Variants in CNKSR3 observed in about 807,000 individuals in gnomAD.
CNKSR3 encodes connector enhancer of kinase suppressor of ras 3.
In CNKSR3, 36 loss-of-function variants were observed where a neutral mutation model predicts 67.7. The observed-to-expected ratio is 0.53, with a 90% CI of 0.41 to 0.70. CNKSR3 has a LOEUF of 0.70. Ranked by LOEUF, CNKSR3 falls within the 30% of genes least tolerant of loss-of-function variation. CNKSR3 has a pLI of 0.00. For synonymous variants in CNKSR3, 281 were observed against 271.4 expected, an observed-to-expected ratio of 1.04 and a Z score of -0.35; for missense variants, 630 against 695.2, an observed-to-expected ratio of 0.91 and a Z score of 1.05.
chr6:154,510,194 G>C lies in CNKSR3; in HGVS notation c.-80C>G. On this transcript the variant is annotated 5_prime_UTR_variant, in exon 1 of 13. Transcript: ENST00000607772. The stretch of plus-strand genomic sequence containing the variant: ...CCTGCGCTCCGGTGCCCCTTCCCGG[G>C]AGGGCGCGCCCGCGGCTGCTCCCCT... 2.6e-6 allele frequency: 4 copies of C among 1,560,150 alleles called. No individual in the cohort carries two copies. The highest frequency in any genetic ancestry group is 3.5e-6 in the Non-Finnish European group (4 of 1,134,850).
intron 2 of CNKSR3, among the ~76,000 whole-genome samples, chr6:154,444,605 CTTTTTTT>C (rs775511533): frequency 4.4e-5 from 6 of 135,848 alleles, no homozygotes; most frequent in East Asian, 2.2e-4. Flanking sequence ...AGTGGAGAAA[CTTTTTTT>C]TTTTTTTTTT....
At chr6:154,482,567 T>A (rs756505352) in intron 1 of CNKSR3, among the ~76,000 whole-genome samples, 3 of 152,208 alleles carry the variant, frequency 2.0e-5, no homozygotes, top group Non-Finnish European at 4.4e-5. Flanking sequence ...CAGTATTCAA[T>A]GTAAAAAGGA....
intron 2 of CNKSR3, among the ~76,000 whole-genome samples, chr6:154,447,174 C>A (rs1380900310): frequency 2.0e-5 from 3 of 152,152 alleles, no homozygotes; most frequent in Non-Finnish European, 2.9e-5. Context: ...CAATCACACC[C>A]TCTCGACCAG....
intron 1 of CNKSR3, among the ~76,000 whole-genome samples, chr6:154,492,755 A>AAC (rs1786805835): frequency 6.6e-6 from 1 of 150,862 alleles, no homozygotes; most frequent in African/African-American, 2.4e-5. Flanking sequence ...CAAAAAAAAA[A>AAC]AAACAAAAAA....
intron 12 of CNKSR3, 47 bp downstream of exon 12, chr6:154,410,296 G>C (rs763989532): frequency 7.3e-7 from 1 of 1,365,766 alleles, no homozygotes; most frequent in Non-Finnish European, 1.0e-6. Flanking sequence ...CCCTGGGGCT[G>C]TTCACTCCCC....
At chr6:154,415,046 G>A (rs1380267618) in intron 9 of CNKSR3, among the ~76,000 whole-genome samples, 1 of 134,672 alleles carries the variant, frequency 7.4e-6, no homozygotes, top group Non-Finnish European at 1.5e-5. Context: ...TGCAGTGAGC[G>A]AAGAGTGTAC....
chr6:154,419,633 C>T (rs554789348), intron 9 of CNKSR3, among the ~76,000 whole-genome samples: 5 of 152,200 alleles, frequency 3.3e-5, no homozygotes, highest in East Asian at 3.9e-4. Flanking sequence ...ACTGGATACA[C>T]GTTTAAAGGA....
At position 154,392,249 on chromosome 6, in the gene CNKSR3, G is replaced by T. The variant is rs1361440683; in HGVS notation, c.*14105C>A. On this transcript the variant is annotated 3_prime_UTR_variant, in exon 13 of 13. Coordinates refer to ENST00000607772, the MANE Select transcript of CNKSR3 (RefSeq NM_173515.4). ...AGTGTACCATTATATGTTGTCTTCT[G>T]ATGCTTTTTCCCACTCAGCACTATA... The T allele has an allele frequency of 1.3e-5, 2 of 151,632 alleles. No individual in the cohort carries two copies. Among genetic ancestry groups the T allele is most frequent in the Admixed American group, 1.3e-4 (2 of 15,222 alleles). The allele number at this position is 151,632 out of a possible 1,614,324, so 9.4% of individuals were successfully genotyped here. A position where few individuals can be genotyped will look rare whatever the true frequency, so the allele number is the denominator to read the frequency against.
intron 1 of CNKSR3, among the ~76,000 whole-genome samples, chr6:154,454,003 G>T (rs1168248392): frequency 6.6e-6 from 1 of 151,660 alleles, no homozygotes; most frequent in Non-Finnish European, 1.5e-5. Flanking sequence ...GAGCCACAGG[G>T]CCCAGACCTA....
At chr6:154,461,167 T>C (rs1362414991) in intron 1 of CNKSR3, among the ~76,000 whole-genome samples, 1 of 152,170 alleles carries the variant, frequency 6.6e-6, no homozygotes, top group Non-Finnish European at 1.5e-5. Flanking sequence ...GGCCGGGTTA[T>C]CATCATCTCC....
chr6:154,458,131 T>C (rs1434431170), intron 1 of CNKSR3, among the ~76,000 whole-genome samples: 1 of 152,200 alleles, frequency 6.6e-6, no homozygotes, highest in Non-Finnish European at 1.5e-5. Flanking sequence ...TAGAGACGTA[T>C]GGCTCTCCCA....
chr6:154,449,554 G>T (rs896379229), intron 2 of CNKSR3, among the ~76,000 whole-genome samples: 7 of 152,160 alleles, frequency 4.6e-5, no homozygotes, highest in African/African-American at 1.7e-4. Flanking sequence ...CAAACTCCTG[G>T]ACTCAAGCAA....
At position 154,415,034 on chromosome 6, in the gene CNKSR3, G is replaced by A. The variant is rs561943484; in HGVS notation, c.946-611C>T. On this transcript the variant is annotated intron_variant, in intron 9 of 12. Coordinates refer to ENST00000607772, the MANE Select transcript of CNKSR3 (RefSeq NM_173515.4). ...GATTGCTTGAGCCCAGGAGGCAGAA[G>A]TTGCAGTGAGCGAAGAGTGTACCAC... Among the ~76,000 whole-genome samples the A allele has an allele frequency of 1.1e-4, 15 of 140,978 alleles. No homozygotes were observed. The East Asian group carries it at 3.5e-3, about 33-fold the overall frequency. The allele number at this position is 140,978 out of a possible 152,430, so 92.5% of individuals were successfully genotyped here.
intron 1 of CNKSR3, among the ~76,000 whole-genome samples, chr6:154,458,099 T>G (rs1276590840): frequency 6.6e-6 from 1 of 152,198 alleles, no homozygotes; most frequent in East Asian, 1.9e-4. Flanking sequence ...TGTACTACAA[T>G]GGCAGAGTTG....
chr6:154,447,916 A>G (rs1261596458), intron 2 of CNKSR3, among the ~76,000 whole-genome samples: 1 of 152,238 alleles, frequency 6.6e-6, no homozygotes, highest in Non-Finnish European at 1.5e-5. Context: ...TAATTAGTAT[A>G]TGAATTATAA....
rs1787183355 is a variant in CNKSR3 at position 154,510,045 on chromosome 6, C to T, written c.52+18G>A. 1 of 1,613,960 alleles carries T rather than the reference C, an allele frequency of 6.2e-7. No individual in the cohort carries two copies. Among genetic ancestry groups the T allele is most frequent in the Non-Finnish European group, 8.5e-7 (1 of 1,179,902 alleles). On this transcript the variant is annotated intron_variant, in intron 1 of 12. Coordinates refer to ENST00000607772, the MANE Select transcript of CNKSR3 (RefSeq NM_173515.4). ...CCCCGAGGCTGGAGGACTCCGGACCCCCCCAAGGCCCGCGCACCTCTAGTC... is the reference window on the plus strand; with the variant it reads ...CCCCGAGGCTGGAGGACTCCGGACCTCCCCAAGGCCCGCGCACCTCTAGTC...
At chr6:154,490,967 C>G (rs1433670246) in intron 1 of CNKSR3, among the ~76,000 whole-genome samples, 1 of 152,070 alleles carries the variant, frequency 6.6e-6, no homozygotes, top group South Asian at 2.1e-4. Context: ...CCTGACTCAG[C>G]CTCCTGAGTA....
At chr6:154,443,201 G>A (rs1430040854) in intron 2 of CNKSR3, among the ~76,000 whole-genome samples, 3 of 151,972 alleles carry the variant, frequency 2.0e-5, no homozygotes, top group East Asian at 1.9e-4. Context: ...CCTGGCCGAC[G>A]GCTCATTCTT....
intron 2 of CNKSR3, among the ~76,000 whole-genome samples, chr6:154,446,091 C>A (rs1452379046): frequency 6.6e-6 from 1 of 152,150 alleles, no homozygotes; most frequent in Non-Finnish European, 1.5e-5. Context: ...CAAAAAGATA[C>A]AAATTAAGTA....
Sources: gnomAD v4.1 joint callset for allele counts (sites outside exome capture counted in the v4.1 genomes callset) on GRCh38, gnomAD v4.1.1 for gene constraint, MANE v1.5 for transcripts, NCBI Gene and HGNC (gene_info 2026-07-23, HGNC 2026-07-21) for gene names.